Variants in TENM2 observed in about 807,000 individuals in gnomAD.
TENM2 encodes the protein teneurin transmembrane protein 2.
A neutral mutation model predicts 245.2 loss-of-function variants in TENM2; 52 were observed. That is an observed-to-expected ratio of 0.21 (90% CI 0.17 to 0.27). The LOEUF (loss-of-function observed/expected upper bound fraction) is 0.27, where lower values mean the gene tolerates loss of function less well. TENM2 is among the 10% of genes least tolerant of loss of function. TENM2 has a pLI of 1.00. For missense variants in TENM2, 3,046 were observed against 3,666.8 expected, an observed-to-expected ratio of 0.83 and a Z score of 4.37; for synonymous variants, 1,363 against 1,438.9, an observed-to-expected ratio of 0.95 and a Z score of 1.19.
intron 2 of TENM2, among the ~76,000 whole-genome samples, chr5:167,383,372 A>C (rs1761205957): frequency 6.6e-6 from 1 of 151,998 alleles, no homozygotes; most frequent in Non-Finnish European, 1.5e-5. Context: ...AAAGCCTTGG[A>C]TCCCTTAAAC....
chr5:167,452,998 A>G (rs911773360), intron 2 of TENM2, among the ~76,000 whole-genome samples: 36 of 138,472 alleles, frequency 2.6e-4, no homozygotes, highest in African/African-American at 8.4e-4. Flanking sequence ...AGCTGTAGAC[A>G]TGTAAATGAA....
At chr5:167,897,806 A>G (rs1026077233) in intron 3 of TENM2, among the ~76,000 whole-genome samples, 4 of 151,456 alleles carry the variant, frequency 2.6e-5, no homozygotes, top group Admixed American at 2.0e-4. Context: ...GTAGGTAGAT[A>G]TAGGTAGGAT....
At chr5:167,203,421 A>G in the TENM2 span, among the ~76,000 whole-genome samples, 1 of 152,142 alleles carries the variant, frequency 6.6e-6, no homozygotes, top group African/African-American at 2.4e-5. Flanking sequence ...CCTCTGTGGT[A>G]TTTCCAGAAC....
the TENM2 span, among the ~76,000 whole-genome samples, chr5:167,021,695 C>T: frequency 3.9e-5 from 6 of 152,226 alleles, no homozygotes; most frequent in African/African-American, 1.4e-4. Flanking sequence ...ATGGATGTTG[C>T]CTAGAGCTGC....
rs140320958 is a variant in TENM2 at position 167,452,723 on chromosome 5, T to C, written c.502+77250T>C. Among the ~76,000 whole-genome samples the C allele has an allele frequency of 6.6e-3, 994 of 151,142 alleles. 11 individuals are homozygous for C. The highest frequency in any genetic ancestry group is 0.023 in the African/African-American group (951 of 41,150). ...GATTCTTATTAACACACACCGGGAA[T>C]TGAACAATGAGACCACTTGGACACA... is the stretch of plus-strand genomic sequence containing the variant. On this transcript the variant is annotated intron_variant, in intron 2 of 28. Transcript: ENST00000518659.
intron 2 of TENM2, among the ~76,000 whole-genome samples, chr5:167,593,658 C>T (rs1259475611): frequency 6.6e-6 from 1 of 152,212 alleles, no homozygotes; most frequent in East Asian, 1.9e-4. Context: ...CTTATCTTCA[C>T]TATAAGCTCT....
At chr5:167,354,802 A>G (rs2127238012) in intron 1 of TENM2, among the ~76,000 whole-genome samples, 1 of 152,316 alleles carries the variant, frequency 6.6e-6, no homozygotes, top group Non-Finnish European at 1.5e-5. Context: ...ATAACACACG[A>G]TCAATAAATA....
chr5:167,233,698 C>G, the TENM2 span, among the ~76,000 whole-genome samples: 1 of 151,988 alleles, frequency 6.6e-6, no homozygotes, highest in Non-Finnish European at 1.5e-5. Flanking sequence ...CATTTTTCCC[C>G]TAAGTATAAA....
chr5:167,513,113 T>C (rs1770080324), intron 2 of TENM2, among the ~76,000 whole-genome samples: 1 of 152,180 alleles, frequency 6.6e-6, no homozygotes, highest in Non-Finnish European at 1.5e-5. Flanking sequence ...GTAACTCTCA[T>C]TCCATTGGGG....
At chr5:167,244,795 C>T in the TENM2 span, among the ~76,000 whole-genome samples, 2 of 152,088 alleles carry the variant, frequency 1.3e-5, no homozygotes, top group East Asian at 3.9e-4. Flanking sequence ...GAGTGTGGCA[C>T]CTCATCACTT....
intron 1 of TENM2, among the ~76,000 whole-genome samples, chr5:167,323,838 A>G (rs1561862947): frequency 1.3e-5 from 2 of 152,204 alleles, no homozygotes; most frequent in East Asian, 1.9e-4. Context: ...GCAAATATCA[A>G]CGTCACCTGT....
chr5:168,186,272 T>C (rs946333084), intron 13 of TENM2: 1 of 152,144 alleles, frequency 6.6e-6, no homozygotes, highest in African/African-American at 2.4e-5. Flanking sequence ...TTAATGAACC[T>C]GTTTCACGTT....
intron 5 of TENM2, among the ~76,000 whole-genome samples, chr5:168,023,061 C>A (rs919681060): frequency 2.6e-5 from 4 of 152,180 alleles, no homozygotes. Context: ...ATTAGCCCAA[C>A]AGCTTTTGCT....
At chr5:167,247,357 C>T in the TENM2 span, among the ~76,000 whole-genome samples, 2 of 152,160 alleles carry the variant, frequency 1.3e-5, no homozygotes, top group Admixed American at 1.3e-4. Context: ...CATTAATTAA[C>T]TTTCTGAAGT....
At chr5:167,872,332 A>T (rs774225226) in intron 2 of TENM2, among the ~76,000 whole-genome samples, 4 of 131,938 alleles carry the variant, frequency 3.0e-5, no homozygotes, top group East Asian at 4.1e-4. Context: ...GAAAGAAAGA[A>T]AGAAAGAAAG....
intron 12 of TENM2, among the ~76,000 whole-genome samples, chr5:168,131,732 CT>C (rs906309124): frequency 6.6e-6 from 1 of 151,676 alleles, no homozygotes. Flanking sequence ...GTTATGAAAA[CT>C]TTTTTTTTCT....
chr5:167,404,835 G>A (rs1002909297), intron 2 of TENM2, among the ~76,000 whole-genome samples: 1 of 152,050 alleles, frequency 6.6e-6, no homozygotes, highest in Non-Finnish European at 1.5e-5. Flanking sequence ...AAATTCAATG[G>A]TTTCTAGTAT....
intron 2 of TENM2, among the ~76,000 whole-genome samples, chr5:167,583,473 TACACACACACACACACACAC>T (rs10682735): frequency 7.3e-6 from 1 of 137,574 alleles, no homozygotes; most frequent in Non-Finnish European, 1.5e-5. Flanking sequence ...TGAGTATATG[TACACACACACACACACACAC>T]ACACACACAC....
At chr5:167,762,030 G>T (rs879151725) in intron 2 of TENM2, among the ~76,000 whole-genome samples, 2 of 152,310 alleles carry the variant, frequency 1.3e-5, no homozygotes, top group South Asian at 2.1e-4. Context: ...CAGAAGCGCT[G>T]CCTGACTTGG....
Sources: gnomAD v4.1 joint callset for allele counts (sites outside exome capture counted in the v4.1 genomes callset) on GRCh38, gnomAD v4.1.1 for gene constraint, MANE v1.5 for transcripts, NCBI Gene and HGNC (gene_info 2026-07-23, HGNC 2026-07-21) for gene names.